The following PDE11A variants were observed in gnomAD, a reference collection of about 807,000 sequenced individuals.
PDE11A encodes dual 3',5'-cyclic-AMP and -GMP phosphodiesterase 11A.
A neutral mutation model predicts 100.5 loss-of-function variants in PDE11A; 100 were observed. The observed-to-expected ratio is 1.00, with a 90% CI of 0.85 to 1.18. The LOEUF is 1.18. Ranked by LOEUF, PDE11A falls within the 50% of genes most tolerant of loss-of-function variation. The pLI, the probability that PDE11A is intolerant of heterozygous loss-of-function variation, is 0.00. For missense variants in PDE11A, 1,141 were observed against 1,152.6 expected, an observed-to-expected ratio of 0.99 and a Z score of 0.15; for synonymous variants, 381 against 420.8, an observed-to-expected ratio of 0.91 and a Z score of 1.16.
chr2:177,872,069 C>T (rs1015901964), intron 5 of PDE11A, among the ~76,000 whole-genome samples: 2 of 152,232 alleles, frequency 1.3e-5, no homozygotes, highest in Non-Finnish European at 2.9e-5. Flanking sequence ...AACCCACTCC[C>T]ACCACTGTTC....
At chr2:177,881,527 T>C (rs751733484) in intron 4 of PDE11A, among the ~76,000 whole-genome samples, 3 of 152,210 alleles carry the variant, frequency 2.0e-5, no homozygotes, top group Non-Finnish European at 4.4e-5. Flanking sequence ...CCCTGAGTCA[T>C]CAGATTATTT....
At chr2:177,884,156 A>C (rs1418634362) in intron 4 of PDE11A, among the ~76,000 whole-genome samples, 1 of 152,152 alleles carries the variant, frequency 6.6e-6, no homozygotes, top group Non-Finnish European at 1.5e-5. Context: ...AGAGTTGACA[A>C]TGTTGAACTT....
chr2:177,685,833 C>T (rs749681458), intron 15 of PDE11A, among the ~76,000 whole-genome samples: 16 of 152,304 alleles, frequency 1.1e-4, no homozygotes, highest in Admixed American at 3.3e-4. Context: ...TCCCATAGTG[C>T]TGGGATTACA....
chr2:178,056,486 A>T (rs963518245), intron 1 of PDE11A, among the ~76,000 whole-genome samples: 8 of 152,218 alleles, frequency 5.3e-5, no homozygotes, highest in African/African-American at 1.7e-4. Flanking sequence ...AAGTGTTTAA[A>T]TACAAATTTC....
intron 2 of PDE11A, chr2:177,998,644 GT>G: frequency 1.6e-6 from 2 of 1,280,686 alleles, no homozygotes; most frequent in Non-Finnish European, 2.3e-6. Flanking sequence ...GCTGCTAATC[GT>G]TTTTCCTTAG....
At chr2:177,827,535 T>C (rs1028455969) in intron 6 of PDE11A, among the ~76,000 whole-genome samples, 7 of 152,242 alleles carry the variant, frequency 4.6e-5, no homozygotes, top group African/African-American at 1.4e-4. Flanking sequence ...GTGATGGCTC[T>C]GAAAATTCTC....
At chr2:177,770,679 C>A (rs1166455166) in intron 9 of PDE11A, among the ~76,000 whole-genome samples, 1 of 152,176 alleles carries the variant, frequency 6.6e-6, no homozygotes, top group East Asian at 1.9e-4. Context: ...AGAGAAAGGA[C>A]CCTGGGCTCC....
intron 1 of PDE11A, among the ~76,000 whole-genome samples, chr2:178,069,776 A>T (rs35068650): frequency 5.9e-5 from 9 of 152,138 alleles, no homozygotes; most frequent in Non-Finnish European, 1.2e-4. Flanking sequence ...ACTGTTGAAG[A>T]GGCTAAGAAT....
chr2:177,779,514 T>C (rs2082423308), intron 9 of PDE11A, among the ~76,000 whole-genome samples: 1 of 152,246 alleles, frequency 6.6e-6, no homozygotes, highest in Admixed American at 6.5e-5. Flanking sequence ...ATTTGTGTAA[T>C]ATTCTAAATA....
intron 2 of PDE11A, among the ~76,000 whole-genome samples, chr2:177,965,933 G>A (rs1486281004): frequency 1.3e-5 from 2 of 152,170 alleles, no homozygotes; most frequent in Admixed American, 6.5e-5. Flanking sequence ...CATTGAATCT[G>A]TAAACTGCTT....
chr2:177,688,745 G>C lies in PDE11A; in HGVS notation c.2346-7842C>G, dbSNP rs991897642. Among the ~76,000 whole-genome samples, 6 of 152,164 alleles carry C rather than the reference G, an allele frequency of 3.9e-5. No homozygotes were observed. The East Asian group carries it at 1.2e-3, about 29-fold the overall frequency. ...ATATGTCCCACTCAGAAAAATAGCA[G>C]TCTTTAAAAAAGCATCATTTGAACA... On this transcript the variant is annotated intron_variant, in intron 15 of 19. Coordinates refer to ENST00000286063, the MANE Select transcript of PDE11A (RefSeq NM_016953.4).
intron 9 of PDE11A, among the ~76,000 whole-genome samples, chr2:177,779,355 C>A (rs1233290731): frequency 2.0e-5 from 3 of 152,136 alleles, no homozygotes; most frequent in Non-Finnish European, 4.4e-5. Flanking sequence ...TAAAATAAGA[C>A]AATGAGGTTT....
intron 2 of PDE11A, among the ~76,000 whole-genome samples, chr2:178,102,459 A>C (rs1319323021): frequency 1.1e-5 from 1 of 94,284 alleles, no homozygotes; most frequent in South Asian, 3.7e-4. Flanking sequence ...TTTTTTTTAG[A>C]GATGGGGTTT....
At chr2:178,059,435 A>G (rs1213180446) in intron 1 of PDE11A, among the ~76,000 whole-genome samples, 2 of 152,132 alleles carry the variant, frequency 1.3e-5, no homozygotes, top group Admixed American at 1.3e-4. Flanking sequence ...AGAGGTTGTC[A>G]TCTTTTGGGG....
At chr2:177,995,936 A>C (rs1470498878) in intron 2 of PDE11A, among the ~76,000 whole-genome samples, 1 of 152,176 alleles carries the variant, frequency 6.6e-6, no homozygotes, top group Admixed American at 6.5e-5. Context: ...GTCTTTGAAA[A>C]TGCAGCCTAG....
chr2:177,876,349 T>G (rs972946069), intron 4 of PDE11A, among the ~76,000 whole-genome samples: 2 of 124,042 alleles, frequency 1.6e-5, no homozygotes, highest in African/African-American at 7.2e-5. Context: ...AGTTCATCTT[T>G]AAGCTTGGCT....
intron 2 of PDE11A, among the ~76,000 whole-genome samples, chr2:178,079,368 A>G (rs958954778): frequency 6.8e-6 from 1 of 147,278 alleles, no homozygotes; most frequent in Non-Finnish European, 1.5e-5. Flanking sequence ...TTCAGCTCCC[A>G]CTTGTAAGTG....
chr2:177,671,318 C>A (rs1008866773), intron 17 of PDE11A, among the ~76,000 whole-genome samples: 1 of 152,054 alleles, frequency 6.6e-6, no homozygotes, highest in Non-Finnish European at 1.5e-5. Flanking sequence ...ACTTAAAAAC[C>A]CAATCAGGAA....
intron 19 of PDE11A, among the ~76,000 whole-genome samples, chr2:177,659,340 C>G (rs1299044497): frequency 6.6e-6 from 1 of 151,534 alleles, no homozygotes; most frequent in Non-Finnish European, 1.5e-5. Flanking sequence ...ACATTAGCAG[C>G]CCTGCCTGCT....
Sources: gnomAD v4.1 joint callset for allele counts (sites outside exome capture counted in the v4.1 genomes callset) on GRCh38, gnomAD v4.1.1 for gene constraint, MANE v1.5 for transcripts, NCBI Gene and HGNC (gene_info 2026-07-23, HGNC 2026-07-21) for gene names.